Variants in BST1 observed in about 807,000 individuals in gnomAD.
BST1 encodes the protein bone marrow stromal cell antigen 1.
A neutral mutation model predicts 40.6 loss-of-function variants in BST1; 49 were observed. That is an observed-to-expected ratio of 1.21 (90% CI 0.96 to 1.53). BST1 has a LOEUF of 1.53. BST1 is among the 40% of genes most tolerant of loss of function. The pLI is 0.00. For synonymous variants in BST1, 157 were observed against 159.3 expected (o/e 0.99, Z 0.11); for missense variants, 423 against 395.9 (o/e 1.07, Z -0.58).
chr4:15,705,567 G>T lies in BST1; in HGVS notation c.241G>T (p.Asp81Tyr). ...AGCCTTTAAAGTGGCGCTGGACAAG[G>T]ATCCCTGCTCCGTGCTGCCCTCAGA... The part of the protein sequence containing the change: ...WEAFKVALDK[D>Y]PCSVLPSDYD... The change falls in exon 2 of 9, where the codon GAT (aspartate) becomes TAT (tyrosine). Residue 81 changes from aspartate to tyrosine, a missense_variant. Physicochemically the swap from Asp to Tyr is radical, Grantham distance 160. Transcript: ENST00000265016. 6.2e-7 allele frequency: 1 copy of T among 1,610,862 alleles called. No homozygotes were observed. The highest frequency in any genetic ancestry group is 1.1e-5 in the South Asian group (1 of 90,612).
rs967573452 is a variant in BST1, at chr4:15,703,191, T to G, written c.47T>G (p.Leu16Arg). 3 of 1,557,620 alleles carry G rather than the reference T, an allele frequency of 1.9e-6. No homozygotes were observed. In the Admixed American group the frequency reaches 5.8e-5, roughly 30 times the overall value. Residue 16 changes from leucine (L) to arginine (R), a missense_variant, in exon 1 of 9, where the codon CTG becomes CGG. Physicochemically the swap from Leu to Arg is moderately radical, Grantham distance 102. Coordinates refer to ENST00000265016, the MANE Select transcript of BST1 (RefSeq NM_004334.3). ...CAASRLLQLL[L>R]QLLLLLLLLA... The stretch of plus-strand genomic sequence containing the variant: ...GCATCGCGGCTGCTCCAGCTGCTGC[T>G]GCAGCTTCTGCTTCTACTGTTGCTG...
chr4:15,712,639 C>A (rs1720280687), intron 4 of BST1, among the ~76,000 whole-genome samples: 1 of 152,190 alleles, frequency 6.6e-6, no homozygotes, highest in Admixed American at 6.5e-5. Flanking sequence ...TACCCTAGAT[C>A]CTCAGGTATC....
At chr4:15,762,380 T>TATGAATAA in the BST1 span, among the ~76,000 whole-genome samples, 6 of 151,784 alleles carry the variant, frequency 4.0e-5, no homozygotes, top group Non-Finnish European at 7.4e-5. Context: ...TGATTATGGG[T>TATGAATAA]GTTTTTCATA....
At chr4:15,753,294 T>C in the BST1 span, among the ~76,000 whole-genome samples, 1 of 152,184 alleles carries the variant, frequency 6.6e-6, no homozygotes, top group East Asian at 1.9e-4. Flanking sequence ...TCAGAGCTGA[T>C]AGCATGGGAC....
At chr4:15,747,348 G>A in the BST1 span, among the ~76,000 whole-genome samples, 1 of 152,130 alleles carries the variant, frequency 6.6e-6, no homozygotes, top group Admixed American at 6.6e-5. Flanking sequence ...TGCCATTATA[G>A]TAGTCATGGC....
At chr4:15,760,359 C>G in the BST1 span, among the ~76,000 whole-genome samples, 1 of 151,634 alleles carries the variant, frequency 6.6e-6, no homozygotes, top group Non-Finnish European at 1.5e-5. Context: ...TTCTGTTTAT[C>G]AATTATTATG....
At chr4:15,705,378 C>A (rs41267475) in intron 1 of BST1, 137 bp from the exon 2 acceptor site, 11,678 of 997,896 alleles carry the variant, frequency 0.012, 101 homozygotes, top group Non-Finnish European at 0.015. Context: ...CATGACAATT[C>A]GTTGTCTTTT....
intron 3 of BST1, among the ~76,000 whole-genome samples, chr4:15,711,276 G>C (rs1168006309): frequency 6.6e-6 from 1 of 152,092 alleles, no homozygotes; most frequent in Non-Finnish European, 1.5e-5. Flanking sequence ...TCTTTAGTCT[G>C]TCCTTAAACA....
At chr4:15,744,524 C>G in the BST1 span, among the ~76,000 whole-genome samples, 3 of 152,140 alleles carry the variant, frequency 2.0e-5, no homozygotes, top group Non-Finnish European at 4.4e-5. Context: ...GTGTCTCTTC[C>G]TTGACACATG....
At chr4:15,706,569 A>G (rs1472324235) in intron 2 of BST1, among the ~76,000 whole-genome samples, 2 of 152,240 alleles carry the variant, frequency 1.3e-5, no homozygotes, top group African/African-American at 2.4e-5. Context: ...CAATACCTCA[A>G]GTTTAAGGAA....
intron 8 of BST1, among the ~76,000 whole-genome samples, chr4:15,723,234 T>G (rs1358645812): frequency 6.6e-6 from 1 of 152,158 alleles, no homozygotes; most frequent in African/African-American, 2.4e-5. Context: ...ATCTGTAGGA[T>G]GGTCACACTA....
chr4:15,715,737 C>T lies in BST1; in HGVS notation c.642C>T (p.Leu214=), dbSNP rs751422923. ...GFFADYEIPN[L]QKEKITRIEI... ...TTGCAGATTATGAAATTCCAAACCT[C>T]CAGAAGGAAAAAATTACACGAATCG... is the stretch of plus-strand genomic sequence containing the variant. The change falls in exon 6 of 9, where the codon CTC becomes CTT. Residue 214 remains leucine (L), a synonymous_variant. Coordinates refer to ENST00000265016, the MANE Select transcript of BST1 (RefSeq NM_004334.3). 4 of 1,601,626 alleles carry T rather than the reference C, an allele frequency of 2.5e-6. No homozygotes were observed. In the South Asian group the frequency reaches 4.5e-5, roughly 18 times the overall value.
the BST1 span, among the ~76,000 whole-genome samples, chr4:15,771,310 A>G: frequency 6.6e-6 from 1 of 152,342 alleles, no homozygotes; most frequent in East Asian, 1.9e-4. Flanking sequence ...AACTTGCCCC[A>G]AATCATACTA....
the BST1 span, among the ~76,000 whole-genome samples, chr4:15,772,007 G>GTCTCTCTCTCTCTCTCTCTCTCTCTC: frequency 6.0e-5 from 9 of 148,860 alleles, no homozygotes; most frequent in African/African-American, 1.5e-4. Context: ...AACAATGAAG[G>GTCTCTCTCTCTCTCTCTCTCTCTCTC]TCTCTCTCTC....
the BST1 span, among the ~76,000 whole-genome samples, chr4:15,768,661 T>A: frequency 6.6e-6 from 1 of 151,070 alleles, no homozygotes; most frequent in Non-Finnish European, 1.5e-5. Context: ...GCCCGGCTAA[T>A]TTTTTTTTGT....
intron 8 of BST1, among the ~76,000 whole-genome samples, chr4:15,725,879 C>T (rs1339399665): frequency 6.6e-6 from 1 of 151,328 alleles, no homozygotes; most frequent in Non-Finnish European, 1.5e-5. Flanking sequence ...TCAAAACCCT[C>T]ATGTGACTGC....
intron 6 of BST1, among the ~76,000 whole-genome samples, chr4:15,716,418 A>G (rs978267101): frequency 1.3e-5 from 2 of 152,222 alleles, no homozygotes; most frequent in African/African-American, 4.8e-5. Context: ...CTGGACAGCC[A>G]TGATGGAGAT....
At chr4:15,718,785 T>G in intron 6 of BST1, 122 bp from the exon 7 acceptor site, 1 of 780,690 alleles carries the variant, frequency 1.3e-6, no homozygotes, top group East Asian at 3.0e-5. Context: ...CATTCCAGTT[T>G]TCTTTCTGAG....
chr4:15,723,262 C>G (rs987009715), intron 8 of BST1, among the ~76,000 whole-genome samples: 1 of 151,644 alleles, frequency 6.6e-6, no homozygotes, highest in Non-Finnish European at 1.5e-5. Context: ...TTTTGGGAGG[C>G]GGGGGGCAGA....
Sources: gnomAD v4.1 joint callset for allele counts (sites outside exome capture counted in the v4.1 genomes callset) on GRCh38, gnomAD v4.1.1 for gene constraint, MANE v1.5 for transcripts, NCBI Gene and HGNC (gene_info 2026-07-23, HGNC 2026-07-21) for gene names.